The following LEKR1 variants were observed in gnomAD, a reference collection of about 807,000 sequenced individuals.
LEKR1 encodes protein LEKR1.
A neutral mutation model predicts 72.4 loss-of-function variants in LEKR1; 59 were observed. The observed-to-expected ratio is 0.82, with a 90% CI of 0.66 to 1.01. The LOEUF (loss-of-function observed/expected upper bound fraction) is 1.01. Ranked by LOEUF, LEKR1 falls within the 50% of genes least tolerant of loss-of-function variation. The probability of loss-of-function intolerance (pLI) is 0.00; values close to 1 mark genes in which losing one functional copy is unlikely to be tolerated. For missense variants in LEKR1, 728 were observed against 759.2 expected, an observed-to-expected ratio of 0.96 and a Z score of 0.48; for synonymous variants, 257 against 263.2, an observed-to-expected ratio of 0.98 and a Z score of 0.23.
chr3:156,904,393 A>G (rs918685431), intron 3 of LEKR1, among the ~76,000 whole-genome samples: 3 of 150,444 alleles, frequency 2.0e-5, no homozygotes, highest in Admixed American at 1.3e-4. Context: ...GAAATTATAT[A>G]TAAGCTCTAT....
At chr3:157,043,717 C>A (rs925349273) in intron 12 of LEKR1, among the ~76,000 whole-genome samples, 7 of 152,200 alleles carry the variant, frequency 4.6e-5, no homozygotes, top group African/African-American at 1.4e-4. Context: ...ATTCCCTCCT[C>A]CCCTGCCTTT....
chr3:156,980,507 A>G (rs1664957441), intron 7 of LEKR1, among the ~76,000 whole-genome samples: 1 of 152,162 alleles, frequency 6.6e-6, no homozygotes, highest in Non-Finnish European at 1.5e-5. Flanking sequence ...CCCTAGGCCC[A>G]GGAAGTAACT....
At chr3:156,944,882 A>G (rs548362527) in intron 6 of LEKR1, among the ~76,000 whole-genome samples, 70 of 151,794 alleles carry the variant, frequency 4.6e-4, no homozygotes, top group South Asian at 1.7e-3. Flanking sequence ...TAAACATGGG[A>G]GTGTAGATAT....
intron 12 of LEKR1, among the ~76,000 whole-genome samples, chr3:157,030,301 T>C (rs1276089583): frequency 6.6e-6 from 1 of 152,122 alleles, no homozygotes; most frequent in Non-Finnish European, 1.5e-5. Context: ...ACCTCCAACA[T>C]TGAGGATTAC....
chr3:156,947,798 A>AT (rs1306023339), intron 6 of LEKR1, among the ~76,000 whole-genome samples: 1 of 151,262 alleles, frequency 6.6e-6, no homozygotes, highest in Non-Finnish European at 1.5e-5. Flanking sequence ...AATATGACTT[A>AT]TTAGCATATT....
intron 4 of LEKR1, among the ~76,000 whole-genome samples, chr3:156,921,795 T>G (rs899727524): frequency 1.3e-5 from 2 of 152,218 alleles, no homozygotes; most frequent in African/African-American, 4.8e-5. Context: ...GGACTGGGAC[T>G]AGACCAAATA....
intron 12 of LEKR1, among the ~76,000 whole-genome samples, chr3:157,037,540 C>A (rs1041533099): frequency 1.3e-5 from 2 of 152,052 alleles, no homozygotes; most frequent in Non-Finnish European, 2.9e-5. Context: ...TAAGACAAAG[C>A]AGATTCTAGC....
intron 6 of LEKR1, among the ~76,000 whole-genome samples, chr3:156,964,470 G>C (rs528477576): frequency 6.6e-6 from 1 of 152,002 alleles, no homozygotes; most frequent in Admixed American, 6.6e-5. Flanking sequence ...AATTCCTTTA[G>C]TCTTAAAACT....
intron 9 of LEKR1, among the ~76,000 whole-genome samples, chr3:156,994,311 G>A (rs904308157): frequency 6.6e-6 from 1 of 152,142 alleles, no homozygotes; most frequent in East Asian, 1.9e-4. Flanking sequence ...ACTCTTTCTT[G>A]CCAACACTGT....
chr3:156,843,052 C>G (rs763731995), intron 2 of LEKR1, among the ~76,000 whole-genome samples: 3 of 152,198 alleles, frequency 2.0e-5, no homozygotes, highest in Non-Finnish European at 2.9e-5. Context: ...CTACCTGTCC[C>G]TGACCTCGGA....
At chr3:156,895,584 C>G (rs1472214941) in intron 3 of LEKR1, among the ~76,000 whole-genome samples, 1 of 151,906 alleles carries the variant, frequency 6.6e-6, no homozygotes, top group East Asian at 1.9e-4. Flanking sequence ...GCACTCCAGC[C>G]TGGACGACAG....
chr3:156,949,659 G>C (rs1358148177), intron 6 of LEKR1, among the ~76,000 whole-genome samples: 2 of 151,180 alleles, frequency 1.3e-5, no homozygotes, highest in East Asian at 1.9e-4. Context: ...CGACCTTCTA[G>C]GGTTTTCACA....
chr3:156,965,234 C>T (rs1728465195), intron 6 of LEKR1, among the ~76,000 whole-genome samples: 1 of 152,068 alleles, frequency 6.6e-6, no homozygotes, highest in Non-Finnish European at 1.5e-5. Flanking sequence ...TACACACACA[C>T]AAACTAGAAT....
At chr3:156,878,362 C>T (rs1206799635) in intron 3 of LEKR1, among the ~76,000 whole-genome samples, 1 of 151,950 alleles carries the variant, frequency 6.6e-6, no homozygotes, top group Non-Finnish European at 1.5e-5. Context: ...TTTAAATTTC[C>T]CTCTTGATTT....
chr3:156,882,714 G>A (rs1252910166), intron 3 of LEKR1, among the ~76,000 whole-genome samples: 3 of 152,254 alleles, frequency 2.0e-5, no homozygotes, highest in Non-Finnish European at 4.4e-5. Context: ...TATTTTTATT[G>A]CGGCATTATT....
rs1338444441 is a variant in LEKR1 at position 156,972,995 on chromosome 3, G to A, written c.746-6199G>A. Among the ~76,000 whole-genome samples the A allele has an allele frequency of 5.3e-5, 8 of 152,068 alleles. No individual in the cohort carries two copies. In the East Asian group the frequency reaches 7.7e-4, roughly 15 times the overall value. ...TACAAATAGAGTAGGTGTTTAATAAGTGTCTATTGAAATAAAATAACAAAT... is the reference window on the plus strand; with the variant it reads ...TACAAATAGAGTAGGTGTTTAATAAATGTCTATTGAAATAAAATAACAAAT... On this transcript the variant is annotated intron_variant, in intron 6 of 12. Coordinates refer to ENST00000356539, the MANE Select transcript of LEKR1 (RefSeq NM_001004316.3).
intron 6 of LEKR1, among the ~76,000 whole-genome samples, chr3:156,977,328 A>G (rs1729782932): frequency 6.6e-6 from 1 of 152,190 alleles, no homozygotes; most frequent in Admixed American, 6.5e-5. Flanking sequence ...AAATAGTAGC[A>G]TGCAAGTACC....
chr3:156,882,148 A>G (rs1245451579), intron 3 of LEKR1, among the ~76,000 whole-genome samples: 1 of 151,358 alleles, frequency 6.6e-6, no homozygotes, highest in African/African-American at 2.4e-5. Context: ...AAAATTGACA[A>G]ATGGGATCTA....
At chr3:156,881,605 C>T (rs1719353270) in intron 3 of LEKR1, among the ~76,000 whole-genome samples, 1 of 151,120 alleles carries the variant, frequency 6.6e-6, no homozygotes, top group Admixed American at 6.6e-5. Flanking sequence ...AATGCCATCC[C>T]CATCAAGCTA....
Sources: gnomAD v4.1 joint callset for allele counts (sites outside exome capture counted in the v4.1 genomes callset) on GRCh38, gnomAD v4.1.1 for gene constraint, MANE v1.5 for transcripts, NCBI Gene and HGNC (gene_info 2026-07-23, HGNC 2026-07-21) for gene names.